The following PTPRM variants were observed in gnomAD, a reference collection of about 807,000 sequenced individuals.
PTPRM encodes protein tyrosine phosphatase receptor type M.
A neutral mutation model predicts 186.7 loss-of-function variants in PTPRM; 47 were observed. The observed-to-expected ratio is 0.25, with a 90% CI of 0.20 to 0.32. The LOEUF (loss-of-function observed/expected upper bound fraction) is 0.32, where lower values mean the gene tolerates loss of function less well. Among genes scored for constraint, PTPRM ranks in the 10% least tolerant of loss-of-function variants. PTPRM has a pLI of 1.00. For synonymous variants in PTPRM, 668 were observed against 674.9 expected (o/e 0.99, Z 0.16); for missense variants, 1,494 against 1,865.0 (o/e 0.80, Z 3.66).
At chr18:7,984,580 T>TATGCCCC (rs2082734133) in intron 7 of PTPRM, among the ~76,000 whole-genome samples, 2 of 107,558 alleles carry the variant, frequency 1.9e-5, no homozygotes, top group Non-Finnish European at 3.6e-5. Context: ...CCCATATATA[T>TATGCCCC]ATATATATAT....
At chr18:8,303,084 A>G (rs1026393022) in intron 20 of PTPRM, among the ~76,000 whole-genome samples, 13 of 151,968 alleles carry the variant, frequency 8.6e-5, no homozygotes, top group Non-Finnish European at 1.5e-4. Context: ...CTGTGGAGGG[A>G]GCAAGGAGGG....
chr18:8,295,707 A>G (rs2095089802), intron 19 of PTPRM, among the ~76,000 whole-genome samples: 1 of 152,236 alleles, frequency 6.6e-6, no homozygotes, highest in African/African-American at 2.4e-5. Context: ...AAATAAAGAC[A>G]CACATTTTAT....
chr18:8,065,777 G>A lies in PTPRM; in HGVS notation c.1133-3909G>A, dbSNP rs967408647. On this transcript the variant is annotated intron_variant, in intron 7 of 32. Transcript: ENST00000580170. The stretch of plus-strand genomic sequence containing the variant: ...TCTAACTGTAAGAGATCTATATTGT[G>A]CACATAGAATGCTTGTAATGCTGTG... Among the ~76,000 whole-genome samples the A allele has an allele frequency of 2.0e-5, 3 of 152,272 alleles. No individual in the cohort carries two copies. In the East Asian group the frequency reaches 5.8e-4, roughly 29 times the overall value.
intron 10 of PTPRM, among the ~76,000 whole-genome samples, chr18:8,086,847 T>C (rs2090459437): frequency 6.6e-6 from 1 of 152,196 alleles, no homozygotes; most frequent in Non-Finnish European, 1.5e-5. Context: ...TAATTTTTTA[T>C]TGTGTAATAT....
chr18:8,152,462 G>C (rs1267968978), intron 14 of PTPRM, among the ~76,000 whole-genome samples: 5 of 152,136 alleles, frequency 3.3e-5, no homozygotes, highest in Non-Finnish European at 7.3e-5. Context: ...CTCTGTCACA[G>C]CTGTGCGCAT....
At chr18:8,153,780 T>C (rs2093062844) in intron 14 of PTPRM, among the ~76,000 whole-genome samples, 1 of 152,246 alleles carries the variant, frequency 6.6e-6, no homozygotes. Context: ...TGGGGTGTTA[T>C]TGATAGGTAA....
At chr18:7,691,425 A>G (rs1266143247) in intron 1 of PTPRM, among the ~76,000 whole-genome samples, 10 of 151,956 alleles carry the variant, frequency 6.6e-5, no homozygotes, top group Admixed American at 3.3e-4. Flanking sequence ...AGCCTGGTAC[A>G]TAATAGAGCT....
intron 14 of PTPRM, among the ~76,000 whole-genome samples, chr18:8,156,830 A>C (rs978143038): frequency 1.1e-5 from 1 of 92,108 alleles, no homozygotes; most frequent in African/African-American, 2.9e-5. Flanking sequence ...AGAATAGCTA[A>C]ATAAATGCTT....
At chr18:8,213,408 C>T (rs1020451974) in intron 14 of PTPRM, among the ~76,000 whole-genome samples, 3 of 152,188 alleles carry the variant, frequency 2.0e-5, no homozygotes, top group Non-Finnish European at 2.9e-5. Context: ...AGATATTTAA[C>T]GGTCACCCGT....
At chr18:8,384,755 GCACTCAC>G in intron 30 of PTPRM, 69 bp downstream of exon 30, 2 of 1,580,246 alleles carry the variant, frequency 1.3e-6, no homozygotes, top group Middle Eastern at 1.7e-4. Context: ...AATACTTGGA[GCACTCAC>G]TCTATGTCAG....
chr18:8,379,120 C>A, intron 27 of PTPRM, 47 bp from the exon 28 acceptor site: 1 of 1,501,790 alleles, frequency 6.7e-7, no homozygotes, highest in Non-Finnish European at 9.0e-7. Context: ...GAGAGGAGTC[C>A]GCTGCCAAGG....
intron 7 of PTPRM, among the ~76,000 whole-genome samples, chr18:8,063,723 C>T (rs1406240620): frequency 6.6e-6 from 1 of 152,094 alleles, no homozygotes; most frequent in Non-Finnish European, 1.5e-5. Flanking sequence ...CAGCATTCAA[C>T]AAGCTTTTTA....
At chr18:7,936,782 A>G (rs959772886) in intron 5 of PTPRM, among the ~76,000 whole-genome samples, 1 of 152,144 alleles carries the variant, frequency 6.6e-6, no homozygotes. Flanking sequence ...GCCACCCATG[A>G]ACCTGTCAGC....
chr18:7,975,390 A>G (rs2054861306), intron 7 of PTPRM, among the ~76,000 whole-genome samples: 1 of 152,226 alleles, frequency 6.6e-6, no homozygotes, highest in African/African-American at 2.4e-5. Context: ...ATGACTGGAT[A>G]AACTATGGTA....
chr18:7,659,721 G>A (rs369143992), intron 1 of PTPRM, among the ~76,000 whole-genome samples: 24 of 152,246 alleles, frequency 1.6e-4, no homozygotes, highest in African/African-American at 2.4e-4. Context: ...TTTTATATTC[G>A]TGACACATGT....
chr18:8,120,419 C>T (rs1320851432), intron 13 of PTPRM, among the ~76,000 whole-genome samples: 1 of 150,722 alleles, frequency 6.6e-6, no homozygotes, highest in African/African-American at 2.4e-5. Flanking sequence ...TTTCGAGTAA[C>T]TTTTTGTTCA....
chr18:8,071,694 G>A (rs759801715), intron 8 of PTPRM, among the ~76,000 whole-genome samples: 4 of 152,182 alleles, frequency 2.6e-5, no homozygotes, highest in Non-Finnish European at 5.9e-5. Flanking sequence ...TCCCATCGTT[G>A]CCTGATTGTT....
At chr18:8,123,025 G>T (rs116226867) in intron 13 of PTPRM, among the ~76,000 whole-genome samples, 2,003 of 152,278 alleles carry the variant, frequency 0.013, 44 homozygotes, top group African/African-American at 0.046. Flanking sequence ...CAAGAGAAGT[G>T]AGCTTGTTCA....
chr18:8,280,556 C>T (rs2094891980), intron 19 of PTPRM, among the ~76,000 whole-genome samples: 1 of 152,098 alleles, frequency 6.6e-6, no homozygotes, highest in Non-Finnish European at 1.5e-5. Context: ...TGAATCACCA[C>T]CTGAGCTGCC....
Sources: gnomAD v4.1 joint callset for allele counts (sites outside exome capture counted in the v4.1 genomes callset) on GRCh38, gnomAD v4.1.1 for gene constraint, MANE v1.5 for transcripts, NCBI Gene and HGNC (gene_info 2026-07-23, HGNC 2026-07-21) for gene names.